Variants in NEDD4 observed in about 807,000 individuals in gnomAD.
The protein encoded by NEDD4 is E3 ubiquitin-protein ligase NEDD4.
In NEDD4, 99 loss-of-function variants were observed where a neutral mutation model predicts 144.9. That is an observed-to-expected ratio of 0.68 (90% CI 0.58 to 0.81). The LOEUF (loss-of-function observed/expected upper bound fraction) is 0.81, where lower values mean the gene tolerates loss of function less well. Ranked by LOEUF, NEDD4 falls within the 30% of genes least tolerant of loss-of-function variation. The pLI, the probability that NEDD4 is intolerant of heterozygous loss-of-function variation, is 0.00. For synonymous variants in NEDD4, 318 were observed against 350.6 expected (o/e 0.91, Z 1.04); for missense variants, 985 against 1,065.9 (o/e 0.92, Z 1.06).
chr15:55,946,534 T>C (rs1303427945), intron 4 of NEDD4, among the ~76,000 whole-genome samples: 16 of 152,162 alleles, frequency 1.1e-4, no homozygotes, highest in African/African-American at 3.9e-4. Flanking sequence ...ACAAAGAGAC[T>C]TAGACTCCCA....
At chr15:55,948,483 C>A (rs1240599154) in intron 4 of NEDD4, among the ~76,000 whole-genome samples, 1 of 152,090 alleles carries the variant, frequency 6.6e-6, no homozygotes, top group Non-Finnish European at 1.5e-5. Flanking sequence ...CAAGAAAGAG[C>A]CCACATAGCC....
intron 5 of NEDD4, among the ~76,000 whole-genome samples, chr15:55,899,145 T>C (rs2142148276): frequency 6.6e-6 from 1 of 152,340 alleles, no homozygotes; most frequent in Non-Finnish European, 1.5e-5. Flanking sequence ...ACAAACAAAA[T>C]AATTATCAAA....
chr15:55,913,754 T>C (rs1238269314), intron 5 of NEDD4, among the ~76,000 whole-genome samples: 2 of 152,018 alleles, frequency 1.3e-5, no homozygotes, highest in Admixed American at 1.3e-4. Flanking sequence ...ACATTTAAAA[T>C]ACTCTTCTCA....
intron 5 of NEDD4, among the ~76,000 whole-genome samples, chr15:55,901,294 A>G (rs2035907688): frequency 6.6e-6 from 1 of 152,172 alleles, no homozygotes; most frequent in Non-Finnish European, 1.5e-5. Flanking sequence ...AATCGTCTCC[A>G]TAAGTCAAAA....
At chr15:55,895,640 T>G (rs1241540689) in intron 5 of NEDD4, among the ~76,000 whole-genome samples, 1 of 152,188 alleles carries the variant, frequency 6.6e-6, no homozygotes, top group African/African-American at 2.4e-5. Context: ...ACCCCTAGAA[T>G]TTCTGATTCT....
intron 21 of NEDD4, among the ~76,000 whole-genome samples, chr15:55,839,403 A>G (rs552018359): frequency 1.3e-5 from 2 of 152,280 alleles, no homozygotes; most frequent in African/African-American, 4.8e-5. Context: ...AAAATCTCTT[A>G]ATAAATATAG....
chr15:55,885,399 C>G (rs569740802), intron 5 of NEDD4, among the ~76,000 whole-genome samples: 1 of 152,016 alleles, frequency 6.6e-6, no homozygotes, highest in Non-Finnish European at 1.5e-5. Flanking sequence ...CAGAAAAGCA[C>G]AGAATATGAT....
At chr15:55,882,145 G>T (rs1234683413) in intron 5 of NEDD4, among the ~76,000 whole-genome samples, 2 of 152,170 alleles carry the variant, frequency 1.3e-5, no homozygotes, top group African/African-American at 2.4e-5. Flanking sequence ...AGCCTCCACT[G>T]ATCATCCTAC....
At chr15:55,869,762 C>T in intron 7 of NEDD4, 81 bp from the exon 8 acceptor site, 2 of 881,854 alleles carry the variant, frequency 2.3e-6, no homozygotes, top group South Asian at 3.0e-5. Flanking sequence ...AATGAACACC[C>T]ACTAGGTACC....
intron 5 of NEDD4, among the ~76,000 whole-genome samples, chr15:55,889,006 A>T (rs1338753255): frequency 6.6e-6 from 1 of 152,216 alleles, no homozygotes; most frequent in Non-Finnish European, 1.5e-5. Context: ...AATAAAAGAA[A>T]ACTGAAGAAA....
intron 14 of NEDD4, 68 bp downstream of exon 14, chr15:55,850,474 T>G: frequency 1.4e-6 from 2 of 1,459,398 alleles, no homozygotes; most frequent in Non-Finnish European, 1.9e-6. Context: ...ACTTAAAGAT[T>G]TTAAGGAACT....
intron 4 of NEDD4, among the ~76,000 whole-genome samples, chr15:55,946,715 C>G (rs1305216134): frequency 7.2e-5 from 11 of 152,194 alleles, no homozygotes; most frequent in Non-Finnish European, 1.5e-4. Context: ...TCCTTCTCAG[C>G]ACCACACCAC....
chr15:55,837,822 G>A lies in NEDD4; in HGVS notation c.2229C>T (p.Asn743=). 1 of 1,611,898 alleles carries A rather than the reference G, an allele frequency of 6.2e-7. No individual in the cohort carries two copies. The highest frequency in any genetic ancestry group is 8.5e-7 in the Non-Finnish European group (1 of 1,178,750). ...IYLVIQWRFV[N]RIQKQMAAFK... is the part of the protein sequence containing the mutation. ...AAGCAGCCATTTGCTTCTGGATTCGGTTTACAAATCGCCATTGTATTACAA... is the reference window on the plus strand; with the variant it reads ...AAGCAGCCATTTGCTTCTGGATTCGATTTACAAATCGCCATTGTATTACAA... The change falls in exon 24 of 29, where the codon AAC becomes AAT. Residue 743 remains asparagine, a synonymous_variant. Coordinates refer to ENST00000435532, the MANE Select transcript of NEDD4 (RefSeq NM_006154.4).
At position 55,829,799 on chromosome 15, in the gene NEDD4, T is replaced by C. The variant is rs1381705949; in HGVS notation, c.*98A>G. The C allele has an allele frequency of 2.8e-6, 2 of 726,994 alleles. No homozygotes were observed. Among genetic ancestry groups the C allele is most frequent in the South Asian group, 3.7e-5 (2 of 53,394 alleles). The allele number at this position is 726,994 out of a possible 1,614,324, so 45.0% of individuals were successfully genotyped here. A position where few individuals can be genotyped will look rare whatever the true frequency, so the allele number is the denominator to read the frequency against. ...GATTTTCTTCAAGATCTGGGAAGAC[T>C]CAGTGGCCACATTTTAGTAGTTCCC... On this transcript the variant is annotated 3_prime_UTR_variant, in exon 29 of 29. Transcript: ENST00000435532.
chr15:55,930,257 C>CCGACAGATAGTA (rs1455101219), intron 4 of NEDD4, among the ~76,000 whole-genome samples: 13 of 152,280 alleles, frequency 8.5e-5, no homozygotes, highest in African/African-American at 2.9e-4. Flanking sequence ...TCCCAACCTA[C>CCGACAGATAGTA]AACACCGAAA....
chr15:55,969,543 G>A (rs2037573538), intron 1 of NEDD4, among the ~76,000 whole-genome samples: 1 of 152,116 alleles, frequency 6.6e-6, no homozygotes, highest in African/African-American at 2.4e-5. Context: ...GAGTAGAGGA[G>A]ACTATGTTCT....
At chr15:55,852,248 T>C (rs1296138862) in intron 13 of NEDD4, among the ~76,000 whole-genome samples, 176 bp downstream of exon 13, 3 of 151,404 alleles carry the variant, frequency 2.0e-5, no homozygotes, top group African/African-American at 7.3e-5. Context: ...TGAGCCACGA[T>C]CACGCCATTG....
intron 4 of NEDD4, among the ~76,000 whole-genome samples, chr15:55,932,752 A>T (rs1167921427): frequency 1.3e-5 from 2 of 152,108 alleles, no homozygotes; most frequent in African/African-American, 2.4e-5. Context: ...ATGGGAGAAA[A>T]TTTTTACAAT....
At chr15:55,929,993 G>A (rs1480141337) in intron 4 of NEDD4, among the ~76,000 whole-genome samples, 3 of 151,782 alleles carry the variant, frequency 2.0e-5, no homozygotes. Flanking sequence ...TCTCCCCAAA[G>A]GTAAAATAAA....
Sources: allele counts gnomAD v4.1 joint callset (sites outside exome capture counted in the v4.1 genomes callset), GRCh38; gene constraint gnomAD v4.1.1; transcripts MANE v1.5; gene names NCBI Gene and HGNC (gene_info 2026-07-23, HGNC 2026-07-21).